Variants in SPON1 observed in about 807,000 individuals in gnomAD.
SPON1 encodes spondin-1.
Under a neutral mutation model 111.7 loss-of-function variants are expected in SPON1, and 52 were observed. That is an observed-to-expected ratio of 0.47 (90% CI 0.37 to 0.59). The LOEUF (loss-of-function observed/expected upper bound fraction) is 0.59. SPON1 is among the 20% of genes least tolerant of loss of function. The pLI, the probability that SPON1 is intolerant of heterozygous loss-of-function variation, is 0.00. For missense variants in SPON1, 957 were observed against 1,068.5 expected (o/e 0.90, Z 1.46); for synonymous variants, 410 against 395.8 (o/e 1.04, Z -0.43).
At chr11:14,055,332 T>A (rs1554919067) in intron 3 of SPON1, among the ~76,000 whole-genome samples, 1 of 152,198 alleles carries the variant, frequency 6.6e-6, no homozygotes, top group Non-Finnish European at 1.5e-5. Context: ...ACCCCAGCTC[T>A]GAAATTAAAG....
In SPON1 at chr11:13,963,055, C is replaced by A. The variant is rs1554907679; in HGVS notation, c.151C>A (p.Gln51Lys). 6.3e-7 allele frequency: 1 copy of A among 1,579,318 alleles called. No individual in the cohort carries two copies. The highest frequency in any genetic ancestry group is 1.2e-5 in the South Asian group (1 of 85,680). The change falls in exon 1 of 16, where the codon CAG becomes AAG. Residue 51 changes from glutamine to lysine, a missense_variant. Physicochemically the swap from Gln to Lys is moderately conservative, Grantham distance 53. Around this residue, in one of 5 missense-constraint regions of SPON1, gnomAD observed 262 missense variants for 253.9 expected, o/e 1.03. Transcript: ENST00000576479. ...EGYCSRILRA[Q>K]GTRREGYTEF... is the part of the protein sequence containing the mutation. ...CTACTGCAGCCGTATCCTGCGCGCC[C>A]AGGGCACGCGGCGCGAGGGCTACAC...
intron 6 of SPON1, among the ~76,000 whole-genome samples, chr11:14,214,016 T>C (rs1163491451): frequency 6.6e-6 from 1 of 152,202 alleles, no homozygotes; most frequent in Non-Finnish European, 1.5e-5. Context: ...TATGGTTACT[T>C]TCCTATTCCT....
At chr11:14,183,379 C>A (rs1554933843) in intron 6 of SPON1, among the ~76,000 whole-genome samples, 1 of 152,154 alleles carries the variant, frequency 6.6e-6, no homozygotes, top group Non-Finnish European at 1.5e-5. Context: ...ACTTTCTGTG[C>A]AATTAGAGGT....
At chr11:13,965,403 A>G (rs535975265) in intron 1 of SPON1, among the ~76,000 whole-genome samples, 1 of 152,150 alleles carries the variant, frequency 6.6e-6, no homozygotes, top group Non-Finnish European at 1.5e-5. Context: ...GTTTTAGTTG[A>G]GCATTGGCAG....
intron 6 of SPON1, among the ~76,000 whole-genome samples, chr11:14,235,017 C>T (rs74889144): frequency 0.011 from 1,690 of 152,326 alleles, 29 homozygotes; most frequent in African/African-American, 0.038. Context: ...GGTTCAGAAC[C>T]TGTGAGCTCT....
chr11:13,995,365 G>C (rs1848263247), intron 2 of SPON1, among the ~76,000 whole-genome samples: 1 of 152,108 alleles, frequency 6.6e-6, no homozygotes, highest in East Asian at 1.9e-4. Context: ...TAAACAAAGA[G>C]GTTTAATTGA....
At chr11:14,233,378 C>G (rs1554938938) in intron 6 of SPON1, among the ~76,000 whole-genome samples, 1 of 152,176 alleles carries the variant, frequency 6.6e-6, no homozygotes, top group Non-Finnish European at 1.5e-5. Context: ...CAGCTTGCCC[C>G]ACTCCAGTTA....
chr11:14,201,257 G>A (rs1005543944), intron 6 of SPON1, among the ~76,000 whole-genome samples: 4 of 150,492 alleles, frequency 2.7e-5, no homozygotes, highest in South Asian at 2.1e-4. Flanking sequence ...GGAGAATGGC[G>A]TGAACCCAGG....
chr11:14,178,487 A>G (rs149998633), intron 6 of SPON1, among the ~76,000 whole-genome samples: 1 of 151,928 alleles, frequency 6.6e-6, no homozygotes, highest in Non-Finnish European at 1.5e-5. Flanking sequence ...CTCAGTTTTC[A>G]ACCAATCCCT....
At chr11:14,146,529 A>C (rs1009480731) in intron 6 of SPON1, among the ~76,000 whole-genome samples, 1 of 152,192 alleles carries the variant, frequency 6.6e-6, no homozygotes, top group Non-Finnish European at 1.5e-5. Context: ...CCCCAAAAAA[A>C]ATACTGCATA....
At chr11:14,008,530 G>T (rs1272323661) in intron 2 of SPON1, among the ~76,000 whole-genome samples, 1 of 152,108 alleles carries the variant, frequency 6.6e-6, no homozygotes, top group Admixed American at 6.5e-5. Flanking sequence ...ACCTTGTTGT[G>T]TTCTCTATGG....
At chr11:14,181,075 G>A (rs1433439444) in intron 6 of SPON1, among the ~76,000 whole-genome samples, 1 of 152,130 alleles carries the variant, frequency 6.6e-6, no homozygotes, top group Non-Finnish European at 1.5e-5. Flanking sequence ...CCATCAGCCC[G>A]AAGACACTGG....
intron 6 of SPON1, among the ~76,000 whole-genome samples, chr11:14,183,786 G>GC (rs35412352): frequency 0.4 from 60,956 of 151,902 alleles, 12,353 homozygotes; most frequent in East Asian, 0.55. Context: ...TGACTCTAAA[G>GC]ATATGGTCTT....
intron 5 of SPON1, among the ~76,000 whole-genome samples, chr11:14,125,121 G>A (rs1847439235): frequency 6.6e-6 from 1 of 152,190 alleles, no homozygotes; most frequent in South Asian, 2.1e-4. Context: ...AATGCCAAAG[G>A]ACAAGTACAA....
At chr11:13,977,339 G>A (rs1848110542) in intron 1 of SPON1, among the ~76,000 whole-genome samples, 1 of 152,094 alleles carries the variant, frequency 6.6e-6, no homozygotes, top group Non-Finnish European at 1.5e-5. Context: ...TAACATCACT[G>A]GATATTGTTA....
chr11:14,137,165 T>C (rs1184685357), intron 6 of SPON1, among the ~76,000 whole-genome samples: 2 of 152,198 alleles, frequency 1.3e-5, no homozygotes, highest in African/African-American at 4.8e-5. Flanking sequence ...CCTGCAGGAA[T>C]CATACATAAC....
At chr11:14,200,191 G>A (rs1554935466) in intron 6 of SPON1, among the ~76,000 whole-genome samples, 1 of 152,154 alleles carries the variant, frequency 6.6e-6, no homozygotes, top group African/African-American at 2.4e-5. Context: ...ATGCTTATCT[G>A]TAATTAATAG....
intron 6 of SPON1, among the ~76,000 whole-genome samples, chr11:14,186,845 A>G (rs1433127125): frequency 6.6e-6 from 1 of 152,206 alleles, no homozygotes; most frequent in Non-Finnish European, 1.5e-5. Context: ...CTATCTCCTT[A>G]AAGTAATCCT....
At chr11:14,047,073 G>A (rs909515273) in intron 3 of SPON1, among the ~76,000 whole-genome samples, 3 of 152,142 alleles carry the variant, frequency 2.0e-5, no homozygotes, top group Non-Finnish European at 2.9e-5. Context: ...AACTCTCTTG[G>A]TAGTTCTACT....
Sources: allele counts gnomAD v4.1 joint callset (sites outside exome capture counted in the v4.1 genomes callset), GRCh38; gene constraint gnomAD v4.1.1; regional missense constraint gnomAD v4.1.1; transcripts MANE v1.5; gene names NCBI Gene and HGNC (gene_info 2026-07-23, HGNC 2026-07-21).